XKR6: variants seen among roughly 807,000 people sequenced by gnomAD.
XKR6 encodes the protein XK related 6, also known as XK-related protein 6.
A neutral mutation model predicts 56.7 loss-of-function variants in XKR6; 22 were observed. That is an observed-to-expected ratio of 0.39 (90% CI 0.28 to 0.55). XKR6 has a LOEUF of 0.55. XKR6 is among the 20% of genes least tolerant of loss of function. XKR6 has a pLI of 0.66. For missense variants in XKR6, 852 were observed against 889.0 expected, an observed-to-expected ratio of 0.96 and a Z score of 0.53; for synonymous variants, 524 against 387.8, an observed-to-expected ratio of 1.35 and a Z score of -4.13.
At chr8:10,931,284 C>G (rs1023594995) in intron 1 of XKR6, among the ~76,000 whole-genome samples, 1 of 152,076 alleles carries the variant, frequency 6.6e-6, no homozygotes, top group Non-Finnish European at 1.5e-5. Context: ...CAAAGAAAAC[C>G]TAAATGATAC....
chr8:10,996,698 T>G (rs1798121237), intron 1 of XKR6, among the ~76,000 whole-genome samples: 1 of 152,000 alleles, frequency 6.6e-6, no homozygotes, highest in South Asian at 2.1e-4. Context: ...GGGGCTGGCT[T>G]TAGGGAAAGA....
chr8:11,164,216 C>T (rs989330098), intron 1 of XKR6, among the ~76,000 whole-genome samples: 3 of 152,204 alleles, frequency 2.0e-5, no homozygotes, highest in Non-Finnish European at 4.4e-5. Context: ...TTTGAAAGTG[C>T]CTCAAGCAGA....
chr8:11,081,394 G>T (rs1797717317), intron 1 of XKR6, among the ~76,000 whole-genome samples: 1 of 152,346 alleles, frequency 6.6e-6, no homozygotes, highest in South Asian at 2.1e-4. Context: ...TAGCACGGAT[G>T]AGAATTTTAT....
At chr8:11,132,990 G>C (rs1272681125) in intron 1 of XKR6, among the ~76,000 whole-genome samples, 1 of 151,966 alleles carries the variant, frequency 6.6e-6, no homozygotes, top group Non-Finnish European at 1.5e-5. Context: ...ACATTTTTGA[G>C]ATCAAAAATC....
intron 2 of XKR6, among the ~76,000 whole-genome samples, chr8:10,919,303 G>A (rs1432666301): frequency 1.3e-5 from 2 of 152,212 alleles, no homozygotes; most frequent in East Asian, 3.8e-4. Context: ...GCTCTCTGGA[G>A]GGGCTTTTCC....
intron 1 of XKR6, among the ~76,000 whole-genome samples, chr8:11,041,482 G>A (rs967552835): frequency 7.2e-5 from 11 of 152,168 alleles, no homozygotes; most frequent in African/African-American, 2.4e-4. Flanking sequence ...CTTGAACCTG[G>A]GAGGCAGGGG....
intron 1 of XKR6, chr8:11,194,903 T>C (rs937090661): frequency 1.9e-6 from 1 of 533,992 alleles, no homozygotes; most frequent in African/African-American, 1.9e-5. Context: ...AATACTATGC[T>C]GCATCCCCAG....
At chr8:11,117,641 A>G (rs1799245404) in intron 1 of XKR6, among the ~76,000 whole-genome samples, 1 of 152,248 alleles carries the variant, frequency 6.6e-6, no homozygotes, top group African/African-American at 2.4e-5. Flanking sequence ...GAAATTTTTA[A>G]AAGTACATTT....
chr8:11,150,093 G>C (rs1161610515), intron 1 of XKR6, among the ~76,000 whole-genome samples: 1 of 152,194 alleles, frequency 6.6e-6, no homozygotes, highest in Non-Finnish European at 1.5e-5. Context: ...GAGAGGGCTG[G>C]TCAATGGATG....
In XKR6 at chr8:11,135,001, T is replaced by A. The variant is rs59926453; in HGVS notation, c.764+65575A>T. 1.5e-3 allele frequency among the ~76,000 whole-genome samples: 221 copies of A among 151,962 alleles called. 2 individuals are homozygous for A. Among genetic ancestry groups the A allele is most frequent in the African/African-American group, 4.8e-3 (198 of 41,350 alleles). On this transcript the variant is annotated intron_variant, in intron 1 of 2. Transcript: ENST00000416569. The stretch of plus-strand genomic sequence containing the variant: ...TGATTGTATTTGTTTATTTTAAGTA[T>A]ATAAATGTCAAAAATGCATAGAAAA...
At chr8:11,044,325 TATTC>T (rs1251566082) in intron 1 of XKR6, among the ~76,000 whole-genome samples, 1 of 152,212 alleles carries the variant, frequency 6.6e-6, no homozygotes, top group Non-Finnish European at 1.5e-5. Flanking sequence ...CCTTCATGAA[TATTC>T]ATAGCTCCTC....
intron 1 of XKR6, among the ~76,000 whole-genome samples, chr8:10,975,973 G>C (rs28635971): frequency 0.17 from 25,194 of 152,044 alleles, 2,972 homozygotes; most frequent in African/African-American, 0.33. Flanking sequence ...AGGAGATCGA[G>C]ACCATACTGG....
chr8:11,002,593 C>T (rs1050078812), intron 1 of XKR6: 1 of 178,728 alleles, frequency 5.6e-6, no homozygotes, highest in Admixed American at 6.1e-5. Context: ...CCCTCCCAGC[C>T]AGCACAGGAA....
intron 1 of XKR6, among the ~76,000 whole-genome samples, chr8:10,927,165 G>C (rs936182495): frequency 2.0e-5 from 3 of 152,182 alleles, no homozygotes; most frequent in Admixed American, 6.5e-5. Context: ...CTGATGGAGG[G>C]TGATAGAAGG....
chr8:11,090,252 G>A (rs1024823384), intron 1 of XKR6, among the ~76,000 whole-genome samples: 4 of 151,996 alleles, frequency 2.6e-5, no homozygotes, highest in African/African-American at 9.7e-5. Context: ...GCCCTGCTGA[G>A]TTTTAGTTTA....
At chr8:10,911,967 CAT>C (rs1800387494) in intron 2 of XKR6, among the ~76,000 whole-genome samples, 1 of 142,582 alleles carries the variant, frequency 7.0e-6, no homozygotes, top group Non-Finnish European at 1.5e-5. Flanking sequence ...TGAGTTTACA[CAT>C]ATATATGGAG....
intron 1 of XKR6, among the ~76,000 whole-genome samples, chr8:11,006,591 G>A (rs1227533212): frequency 6.6e-6 from 1 of 152,202 alleles, no homozygotes; most frequent in Non-Finnish European, 1.5e-5. Context: ...TGAAGACAAT[G>A]TCCCTGCATT....
intron 1 of XKR6, among the ~76,000 whole-genome samples, chr8:11,040,088 G>A (rs1316417642): frequency 1.3e-5 from 2 of 152,100 alleles, no homozygotes; most frequent in Non-Finnish European, 2.9e-5. Context: ...GGAGGCCCAG[G>A]CAGTTCCTTG....
chr8:11,096,550 CAA>C (rs1162450108), intron 1 of XKR6, among the ~76,000 whole-genome samples: 3 of 152,214 alleles, frequency 2.0e-5, no homozygotes, highest in African/African-American at 7.2e-5. Flanking sequence ...TCAGACGGAT[CAA>C]AGCTTTCCAT....
Sources: allele counts gnomAD v4.1 joint callset (sites outside exome capture counted in the v4.1 genomes callset), GRCh38; gene constraint gnomAD v4.1.1; transcripts MANE v1.5; gene names NCBI Gene and HGNC (gene_info 2026-07-23, HGNC 2026-07-21).